The following ROR2 variants were observed in gnomAD, a reference collection of about 807,000 sequenced individuals.
ROR2 encodes tyrosine-protein kinase transmembrane receptor ROR2.
Under a neutral mutation model 74.9 loss-of-function variants are expected in ROR2, and 33 were observed. The ratio of observed to expected loss-of-function variants is 0.44; its 90% CI spans 0.33 to 0.59. The LOEUF is 0.59. ROR2 is among the 20% of genes least tolerant of loss of function. The pLI, the probability that ROR2 is intolerant of heterozygous loss-of-function variation, is 0.02. For missense variants in ROR2, 1,216 were observed against 1,313.8 expected (o/e 0.93, Z 1.15); for synonymous variants, 586 against 558.7 (o/e 1.05, Z -0.69).
chr9:91,933,205 A>G (rs1831596108), intron 1 of ROR2, among the ~76,000 whole-genome samples: 1 of 152,098 alleles, frequency 6.6e-6, no homozygotes, highest in South Asian at 2.1e-4. Context: ...GGTCCCAGCT[A>G]CTCAGGATGC....
intron 1 of ROR2, among the ~76,000 whole-genome samples, chr9:91,840,585 T>TGA (rs1828753800): frequency 6.6e-6 from 1 of 152,212 alleles, no homozygotes; most frequent in African/African-American, 2.4e-5. Flanking sequence ...GCCTTCCTCC[T>TGA]GAGCTGGCCA....
chr9:91,765,527 G>C (rs1826032921), intron 2 of ROR2, among the ~76,000 whole-genome samples: 1 of 152,202 alleles, frequency 6.6e-6, no homozygotes, highest in Non-Finnish European at 1.5e-5. Context: ...TTTTTGGCTT[G>C]GAATTTCCTA....
chr9:91,879,250 C>T (rs1165127587), intron 1 of ROR2, among the ~76,000 whole-genome samples: 1 of 152,100 alleles, frequency 6.6e-6, no homozygotes, highest in Non-Finnish European at 1.5e-5. Flanking sequence ...AAGGGCCTGG[C>T]CCAGGAAGAC....
chr9:91,802,317 C>G lies in ROR2; in HGVS notation c.98-26499G>C, dbSNP rs1827416281. On this transcript the variant is annotated intron_variant, in intron 1 of 8. Transcript: ENST00000375708. ...GGTCTCGATCTGCTGACCTCATGAT[C>G]CGCCTGCCTCGGCCTCTCAAAGTGC... Among the ~76,000 whole-genome samples the G allele has an allele frequency of 2.0e-5, 3 of 151,962 alleles. No homozygotes were observed. The South Asian group carries it at 6.2e-4, about 32-fold the overall frequency.
intron 4 of ROR2, among the ~76,000 whole-genome samples, chr9:91,738,668 C>T (rs1825118072): frequency 6.6e-6 from 1 of 152,164 alleles, no homozygotes; most frequent in Non-Finnish European, 1.5e-5. Flanking sequence ...CCAAGAAGTC[C>T]AAGCCTCAAA....
In ROR2 at chr9:91,733,273, G is replaced by T. The variant is rs1284874684; in HGVS notation, c.786C>A (p.Asp262Glu). ...CRDECEVLES[D>E]LCRQEYTIAR... Reference sequence around the variant, plus strand: ...CGATGGTGTACTCCTGGCGGCACAGGTCGCTCTCCAGCACCTCGCACTCGT... The same window carrying T: ...CGATGGTGTACTCCTGGCGGCACAGTTCGCTCTCCAGCACCTCGCACTCGT... The change falls in exon 6 of 9, where the codon GAC becomes GAA. Residue 262 changes from aspartate (D) to glutamate (E), a missense_variant. Physicochemically the swap from Asp to Glu is conservative, Grantham distance 45. Coordinates refer to ENST00000375708, the MANE Select transcript of ROR2 (RefSeq NM_004560.4). The surrounding 1 kb of genome is among the most constrained non-coding windows in gnomAD (Gnocchi z 5.7). 2.5e-6 allele frequency: 4 copies of T among 1,612,890 alleles called. No individual in the cohort carries two copies. Among genetic ancestry groups the T allele is most frequent in the Non-Finnish European group, 2.5e-6 (3 of 1,179,818 alleles).
chr9:91,847,483 C>A (rs1018066672), intron 1 of ROR2, among the ~76,000 whole-genome samples: 11 of 152,242 alleles, frequency 7.2e-5, no homozygotes, highest in African/African-American at 2.7e-4. Flanking sequence ...CCAGAAAGGG[C>A]TCCCTAATGC....
intron 1 of ROR2, among the ~76,000 whole-genome samples, chr9:91,776,047 G>A (rs1309692722): frequency 6.6e-6 from 1 of 152,160 alleles, no homozygotes; most frequent in African/African-American, 2.4e-5. Flanking sequence ...GCAAATGCGG[G>A]GGCTTTGCAA....
intron 1 of ROR2, among the ~76,000 whole-genome samples, chr9:91,825,855 G>A (rs971401191): frequency 1.3e-5 from 2 of 152,186 alleles, no homozygotes; most frequent in Non-Finnish European, 2.9e-5. Flanking sequence ...GCTGTCTTGG[G>A]CAAACACTGA....
intron 1 of ROR2, among the ~76,000 whole-genome samples, chr9:91,924,454 C>T (rs7045073): frequency 0.14 from 21,723 of 152,208 alleles, 3,429 homozygotes; most frequent in African/African-American, 0.39. Flanking sequence ...TGGATCTCAA[C>T]TTTTACGTGC....
At chr9:91,928,448 G>A (rs956648914) in intron 1 of ROR2, among the ~76,000 whole-genome samples, 1 of 152,214 alleles carries the variant, frequency 6.6e-6, no homozygotes, top group Non-Finnish European at 1.5e-5. Context: ...GTGGGACTGT[G>A]CCCTGGTGGC....
chr9:91,745,492 G>A (rs1015511516), intron 4 of ROR2, among the ~76,000 whole-genome samples: 2 of 137,426 alleles, frequency 1.5e-5, no homozygotes, highest in South Asian at 2.4e-4. Flanking sequence ...GCAATGGCGC[G>A]CTCTCAGCTC....
intron 1 of ROR2, among the ~76,000 whole-genome samples, chr9:91,853,947 T>C (rs575049039): frequency 2.7e-4 from 41 of 152,250 alleles, no homozygotes; most frequent in Non-Finnish European, 4.9e-4. Context: ...ATTTCCATCA[T>C]AGATTGGGCT....
chr9:91,775,884 T>C (rs551102526), intron 1 of ROR2, 66 bp from the exon 2 acceptor site: 3 of 1,372,014 alleles, frequency 2.2e-6, no homozygotes, highest in South Asian at 2.4e-5. Flanking sequence ...AATTTGCTTC[T>C]TATGCAAAGA....
chr9:91,879,509 CT>C (rs60903425), intron 1 of ROR2, among the ~76,000 whole-genome samples: 42,330 of 151,618 alleles, frequency 0.28, 6,298 homozygotes, highest in Admixed American at 0.43. Context: ...TTCTTCTACT[CT>C]TTTTCCCCAG....
chr9:91,802,857 A>C lies in ROR2; in HGVS notation c.98-27039T>G, dbSNP rs962627818. The stretch of plus-strand genomic sequence containing the variant: ...AGGCATTCAGGGGCCACACAAGAAC[A>C]AACCAACCACAAAATGGGCAACAAA... On this transcript the variant is annotated intron_variant, in intron 1 of 8. Coordinates refer to ENST00000375708, the MANE Select transcript of ROR2 (RefSeq NM_004560.4). Among the ~76,000 whole-genome samples the C allele has an allele frequency of 3.9e-5, 6 of 152,188 alleles. No homozygotes were observed. The East Asian group carries it at 5.8e-4, about 15-fold the overall frequency.
intron 1 of ROR2, among the ~76,000 whole-genome samples, chr9:91,784,318 G>A (rs1294117591): frequency 6.6e-6 from 1 of 152,138 alleles, no homozygotes; most frequent in Non-Finnish European, 1.5e-5. Context: ...AACATGCTGT[G>A]GGCGACTGCA....
At chr9:91,947,639 C>A (rs1456088818) in intron 1 of ROR2, among the ~76,000 whole-genome samples, 1 of 152,156 alleles carries the variant, frequency 6.6e-6, no homozygotes, top group Non-Finnish European at 1.5e-5. Flanking sequence ...GACCCTAATG[C>A]TCCATCGTTC....
rs1824929301 is a variant in ROR2, at chr9:91,733,981, G to A, written c.623-545C>T. 6.6e-6 allele frequency among the ~76,000 whole-genome samples: 1 copy of A among 152,194 alleles called. No homozygotes were observed. Among genetic ancestry groups the A allele is most frequent in the South Asian group, 2.1e-4 (1 of 4,826 alleles). On this transcript the variant is annotated intron_variant, in intron 5 of 8. Coordinates refer to ENST00000375708, the MANE Select transcript of ROR2 (RefSeq NM_004560.4). The surrounding 1 kb of genome is among the most constrained non-coding windows in gnomAD (Gnocchi z 5.7). ...GCGGAAAGCCAAGAGGGTGAGAGCAGCAAAGTGGGAGGAGAGCCGCGTTAC... is the reference window on the plus strand; with the variant it reads ...GCGGAAAGCCAAGAGGGTGAGAGCAACAAAGTGGGAGGAGAGCCGCGTTAC...
Sources: allele counts gnomAD v4.1 joint callset (sites outside exome capture counted in the v4.1 genomes callset), GRCh38; gene constraint gnomAD v4.1.1; non-coding constraint Gnocchi (gnomAD v3.1); transcripts MANE v1.5; gene names NCBI Gene and HGNC (gene_info 2026-07-23, HGNC 2026-07-21).